The following TEK variants were observed in gnomAD, a reference collection of about 807,000 sequenced individuals.
TEK encodes TEK receptor tyrosine kinase, also known as angiopoietin-1 receptor.
A neutral mutation model predicts 131.8 loss-of-function variants in TEK; 43 were observed. The ratio of observed to expected loss-of-function variants is 0.33; its 90% CI spans 0.26 to 0.42. The LOEUF is 0.42. TEK is among the 10% of genes least tolerant of loss of function. TEK has a pLI of 1.00. For missense variants in TEK, 1,162 were observed against 1,384.4 expected (o/e 0.84, Z 2.55); for synonymous variants, 580 against 491.6 (o/e 1.18, Z -2.38).
chr9:27,221,630 A>T (rs1474546660), intron 21 of TEK, among the ~76,000 whole-genome samples: 1 of 152,176 alleles, frequency 6.6e-6, no homozygotes, highest in Non-Finnish European at 1.5e-5. Context: ...CAGGGTCTGG[A>T]GTGGACCTCC....
At chr9:27,146,715 A>G (rs1587515174) in intron 1 of TEK, among the ~76,000 whole-genome samples, 1 of 137,824 alleles carries the variant, frequency 7.3e-6, no homozygotes, top group African/African-American at 2.9e-5. Context: ...TGCTATAAAC[A>G]TTCTATTTTT....
At chr9:27,192,367 CTG>C (rs1824852367) in intron 10 of TEK, 120 bp from the exon 11 acceptor site, 1 of 1,119,096 alleles carries the variant, frequency 8.9e-7, no homozygotes, top group Admixed American at 1.7e-5. Context: ...AATTGCCTCT[CTG>C]TTTCACTAAG....
intron 18 of TEK, among the ~76,000 whole-genome samples, chr9:27,216,791 G>A (rs1825834431): frequency 6.6e-6 from 1 of 152,080 alleles, no homozygotes; most frequent in Admixed American, 6.5e-5. Flanking sequence ...GCTGAGAAAG[G>A]TCCCTCAAGT....
chr9:27,227,861 C>T (rs1826399804), intron 21 of TEK, among the ~76,000 whole-genome samples: 1 of 152,148 alleles, frequency 6.6e-6, no homozygotes, highest in African/African-American at 2.4e-5. Context: ...TGGCATTTTA[C>T]AAGTTTGAGC....
intron 21 of TEK, among the ~76,000 whole-genome samples, chr9:27,225,555 G>C (rs564738175): frequency 2.0e-5 from 3 of 152,176 alleles, no homozygotes; most frequent in Admixed American, 2.0e-4. Context: ...AACTGAAATT[G>C]GACCCCTTCC....
intron 12 of TEK, among the ~76,000 whole-genome samples, chr9:27,198,649 T>C (rs1458247904): frequency 1.3e-5 from 2 of 152,360 alleles, no homozygotes; most frequent in East Asian, 3.8e-4. Flanking sequence ...TTTTGTCATA[T>C]TTGCTTTCAG....
intron 18 of TEK, among the ~76,000 whole-genome samples, chr9:27,215,067 C>A (rs892038394): frequency 6.6e-6 from 1 of 152,142 alleles, no homozygotes; most frequent in Non-Finnish European, 1.5e-5. Context: ...GATGTGGGTA[C>A]CCTGGGTGAG....
In TEK at chr9:27,212,905, C is replaced by T. The variant is rs201140196; in HGVS notation, c.2877+8C>T. Reference sequence around the variant, plus strand: ...TACTTGAGCCAAAAACAGGTTTGTCCGGAGGACTTCGCTTTGGATATCTTT... The same window carrying T: ...TACTTGAGCCAAAAACAGGTTTGTCTGGAGGACTTCGCTTTGGATATCTTT... On this transcript the variant is annotated splice_region_variant and intron_variant, in intron 17 of 22. Coordinates refer to ENST00000380036, the MANE Select transcript of TEK (RefSeq NM_000459.5). The T allele has an allele frequency of 1.0e-4, 166 of 1,613,046 alleles. 2 individuals carry two copies. In the South Asian group the frequency reaches 1.2e-3, roughly 11 times the overall value.
At chr9:27,114,650 ATAATCAATTT>A (rs1821479676) in intron 1 of TEK, among the ~76,000 whole-genome samples, 1 of 152,218 alleles carries the variant, frequency 6.6e-6, no homozygotes, top group Non-Finnish European at 1.5e-5. Flanking sequence ...CACCAATCTG[ATAATCAATTT>A]TATATATCTT....
At chr9:27,222,194 A>G (rs1297889819) in intron 21 of TEK, among the ~76,000 whole-genome samples, 1 of 152,200 alleles carries the variant, frequency 6.6e-6, no homozygotes, top group East Asian at 1.9e-4. Flanking sequence ...AAATAATGAA[A>G]AGGAATGAAC....
At chr9:27,116,265 A>G (rs566796888) in intron 1 of TEK, among the ~76,000 whole-genome samples, 1 of 151,988 alleles carries the variant, frequency 6.6e-6, no homozygotes, top group Non-Finnish European at 1.5e-5. Flanking sequence ...TATTTTGTTC[A>G]TGTTGATTTT....
rs472647 is a variant in TEK, at chr9:27,158,166, C to G, written c.364+24C>G. The G allele has an allele frequency of 7.9e-4, 1,280 of 1,612,364 alleles. 12 individuals are homozygous for G. In the African/African-American group the frequency reaches 0.016, roughly 20 times the overall value. On this transcript the variant is annotated intron_variant, in intron 2 of 22. Coordinates refer to ENST00000380036, the MANE Select transcript of TEK (RefSeq NM_000459.5). ...AGGTAACATGCCCCTAAGTTTTGGG[C>G]AGGTGAGGCCCACTGAGGAACACAC...
At chr9:27,119,034 C>A (rs966500991) in intron 1 of TEK, among the ~76,000 whole-genome samples, 2 of 152,210 alleles carry the variant, frequency 1.3e-5, no homozygotes, top group Non-Finnish European at 2.9e-5. Context: ...TTTTCAAACA[C>A]GCAGCCCTGC....
intron 1 of TEK, among the ~76,000 whole-genome samples, chr9:27,110,137 A>G (rs1821279751): frequency 6.6e-6 from 1 of 151,020 alleles, no homozygotes; most frequent in Non-Finnish European, 1.5e-5. Flanking sequence ...TTTTATATCT[A>G]CATCCTATTT....
intron 1 of TEK, among the ~76,000 whole-genome samples, chr9:27,134,136 A>T (rs1434073534): frequency 1.3e-5 from 2 of 152,134 alleles, no homozygotes; most frequent in Non-Finnish European, 2.9e-5. Flanking sequence ...AGTAGAGGGG[A>T]TGGATTTTAA....
At chr9:27,203,591 G>C (rs2131208771) in intron 13 of TEK, among the ~76,000 whole-genome samples, 1 of 152,286 alleles carries the variant, frequency 6.6e-6, no homozygotes, top group East Asian at 1.9e-4. Flanking sequence ...CCCAGGAAAA[G>C]TATGTGATTT....
chr9:27,134,678 T>G (rs931151844), intron 1 of TEK, among the ~76,000 whole-genome samples: 13 of 152,206 alleles, frequency 8.5e-5, no homozygotes, highest in African/African-American at 3.1e-4. Flanking sequence ...TAACCCTAGA[T>G]GATACATGTA....
At chr9:27,184,301 C>T (rs1025031188) in intron 8 of TEK, among the ~76,000 whole-genome samples, 1 of 152,192 alleles carries the variant, frequency 6.6e-6, no homozygotes, top group East Asian at 1.9e-4. Context: ...TCTCTCCCAA[C>T]TATACCAAAT....
At chr9:27,137,873 C>A (rs180753746) in intron 1 of TEK, among the ~76,000 whole-genome samples, 1 of 152,128 alleles carries the variant, frequency 6.6e-6, no homozygotes, top group Non-Finnish European at 1.5e-5. Context: ...CCGGTGGGTT[C>A]TTGGTCTCAC....
Sources: allele counts gnomAD v4.1 joint callset (sites outside exome capture counted in the v4.1 genomes callset), GRCh38; gene constraint gnomAD v4.1.1; transcripts MANE v1.5; gene names NCBI Gene and HGNC (gene_info 2026-07-23, HGNC 2026-07-21).